The following UBE2D2 variants were observed in gnomAD, a reference collection of about 807,000 sequenced individuals.
The protein encoded by UBE2D2 is ubiquitin-conjugating enzyme E2 D2.
UBE2D2 carries 2 observed loss-of-function variants against 24.2 expected under a neutral mutation model. That is an observed-to-expected ratio of 0.08 (90% CI 0.03 to 0.26). The LOEUF is 0.26. Among genes scored for constraint, UBE2D2 ranks in the 10% least tolerant of loss-of-function variants. The pLI is 1.00. For synonymous variants in UBE2D2, 58 were observed against 56.5 expected (o/e 1.03, Z -0.12); for missense variants, 44 against 177.6 (o/e 0.25, Z 4.28).
intron 1 of UBE2D2, among the ~76,000 whole-genome samples, chr5:139,591,935 C>T (rs1255800176): frequency 6.6e-6 from 1 of 152,228 alleles, no homozygotes; most frequent in Non-Finnish European, 1.5e-5. Flanking sequence ...CGCGGTGGCT[C>T]ATGCCTGTAA....
chr5:139,589,768 A>C (rs1354698825), intron 1 of UBE2D2, among the ~76,000 whole-genome samples: 1 of 152,140 alleles, frequency 6.6e-6, no homozygotes, highest in Non-Finnish European at 1.5e-5. Context: ...AGGAAATTAT[A>C]ATTTAAAGTG....
intron 1 of UBE2D2, 48 bp downstream of exon 1, chr5:139,561,863 C>A: frequency 6.9e-7 from 1 of 1,444,236 alleles, no homozygotes; most frequent in Non-Finnish European, 9.0e-7. Context: ...GAGCAGGCTG[C>A]GGCCTGCACT....
chr5:139,536,073 A>T (rs2126629351), intron 1 of UBE2D2, among the ~76,000 whole-genome samples: 1 of 149,606 alleles, frequency 6.7e-6, no homozygotes, highest in South Asian at 2.1e-4. Flanking sequence ...TTGTATTTTT[A>T]TTTATGTATT....
chr5:139,569,603 A>G (rs1465136468), intron 1 of UBE2D2, among the ~76,000 whole-genome samples: 1 of 152,218 alleles, frequency 6.6e-6, no homozygotes, highest in African/African-American at 2.4e-5. Flanking sequence ...ATCATGTTAA[A>G]CTATAATATA....
At chr5:139,568,282 T>C (rs1188065447) in intron 1 of UBE2D2, among the ~76,000 whole-genome samples, 2 of 150,920 alleles carry the variant, frequency 1.3e-5, no homozygotes, top group African/African-American at 2.4e-5. Context: ...AGGCAGAGGT[T>C]GCAGTGAGCC....
At chr5:139,572,437 A>G (rs1753369124) in intron 1 of UBE2D2, among the ~76,000 whole-genome samples, 1 of 152,146 alleles carries the variant, frequency 6.6e-6, no homozygotes, top group Non-Finnish European at 1.5e-5. Context: ...TGTGTCTACA[A>G]AAAATTAAAT....
intron 1 of UBE2D2, chr5:139,555,062 T>C (rs1033192446): frequency 6.6e-6 from 1 of 152,434 alleles, no homozygotes; most frequent in Non-Finnish European, 1.5e-5. Context: ...TTTTTTTTTT[T>C]TGAGACAGGG....
rs1181976031 is a variant in UBE2D2, at chr5:139,561,951, A to G, written c.24+136A>G. The G allele has an allele frequency of 3.3e-6, 4 of 1,225,354 alleles. No individual in the cohort carries two copies. In the African/African-American group the frequency reaches 6.4e-5, roughly 19 times the overall value. The allele number at this position is 1,225,354 out of a possible 1,614,324, so 75.9% of individuals were successfully genotyped here. A position where few individuals can be genotyped will look rare whatever the true frequency, so the allele number is the denominator to read the frequency against. On this transcript the variant is annotated intron_variant, in intron 1 of 6. Transcript: ENST00000398733. ...GCTGGCCCCTCGGGGCGGCCTCCATACCCCACTCCCAGTGATGGCGCCCGT... is the reference window on the plus strand; with the variant it reads ...GCTGGCCCCTCGGGGCGGCCTCCATGCCCCACTCCCAGTGATGGCGCCCGT...
rs749709835 is a variant in UBE2D2 at position 139,626,710 on chromosome 5, C to G, written c.399-46C>G. Reference sequence around the variant, plus strand: ...GATAATGAATGGAATCTGTTGCTTACTGACTCCACACCTATGTTAAGCCAA... The same window carrying G: ...GATAATGAATGGAATCTGTTGCTTAGTGACTCCACACCTATGTTAAGCCAA... On this transcript the variant is annotated intron_variant, in intron 6 of 6. Transcript: ENST00000398733. The G allele has an allele frequency of 2.0e-6, 3 of 1,531,060 alleles. No individual in the cohort carries two copies. In the Admixed American group the frequency reaches 5.0e-5, roughly 26 times the overall value. The allele number at this position is 1,531,060 out of a possible 1,614,324, so 94.8% of individuals were successfully genotyped here.
At chr5:139,559,799 G>A (rs750175563), upstream of UBE2D2, among the ~76,000 whole-genome samples, 11 of 152,150 alleles carry the variant, frequency 7.2e-5, no homozygotes, top group African/African-American at 1.2e-4. Flanking sequence ...AACGCCAGGG[G>A]TAGATTTCAG....
chr5:139,610,552 T>C (rs1754295478), intron 2 of UBE2D2, among the ~76,000 whole-genome samples: 1 of 148,418 alleles, frequency 6.7e-6, no homozygotes. Flanking sequence ...AAAAAAAATA[T>C]ATTTTTTTTT....
chr5:139,622,772 C>T (rs899230210), intron 5 of UBE2D2, among the ~76,000 whole-genome samples: 2 of 151,506 alleles, frequency 1.3e-5, no homozygotes, highest in African/African-American at 4.8e-5. Flanking sequence ...TGCCTGTAGT[C>T]CCAGCTACTC....
chr5:139,589,551 A>C (rs1054586219), intron 1 of UBE2D2, among the ~76,000 whole-genome samples: 1 of 152,144 alleles, frequency 6.6e-6, no homozygotes, highest in Non-Finnish European at 1.5e-5. Context: ...TGTCTCAAAA[A>C]AATAGCCAAA....
chr5:139,561,462 G>T lies in UBE2D2; in HGVS notation c.-330G>T. Reference sequence around the variant, plus strand: ...GAGGCCGGCCGAGCCCGAGGCTTGGGCTTTTGCTTTCTGGCGGAGGGATCT... The same window carrying T: ...GAGGCCGGCCGAGCCCGAGGCTTGGTCTTTTGCTTTCTGGCGGAGGGATCT... On this transcript the variant is annotated 5_prime_UTR_variant, in exon 1 of 7. Coordinates refer to ENST00000398733, the MANE Select transcript of UBE2D2 (RefSeq NM_003339.3). The T allele has an allele frequency of 3.1e-6, 1 of 320,484 alleles. No homozygotes were observed. 19.9% of individuals were successfully genotyped at this position (320,484 alleles called of 1,614,324 possible). A position where few individuals can be genotyped will look rare whatever the true frequency, so the allele number is the denominator to read the frequency against.
chr5:139,564,110 A>C (rs1414042536), intron 1 of UBE2D2, among the ~76,000 whole-genome samples: 3 of 152,164 alleles, frequency 2.0e-5, no homozygotes, highest in African/African-American at 4.8e-5. Context: ...TTTCCTTAAA[A>C]TATGCCTTTG....
At chr5:139,622,486 A>C (rs1399485834) in intron 5 of UBE2D2, among the ~76,000 whole-genome samples, 1 of 146,914 alleles carries the variant, frequency 6.8e-6, no homozygotes, top group Non-Finnish European at 1.5e-5. Flanking sequence ...CTCGTGATCC[A>C]CCCCCCTCCG....
intron 5 of UBE2D2, among the ~76,000 whole-genome samples, chr5:139,622,017 C>T (rs1313176480): frequency 6.6e-6 from 1 of 152,110 alleles, no homozygotes; most frequent in Admixed American, 6.5e-5. Flanking sequence ...AGACAAAGTT[C>T]TAATTCTATT....
At chr5:139,526,620 T>G (rs1752543935) in intron 1 of UBE2D2, 1 of 152,282 alleles carries the variant, frequency 6.6e-6, no homozygotes, top group Non-Finnish European at 1.5e-5. Context: ...TTGGTAAGAC[T>G]AGTCTTTGGA....
At chr5:139,623,698 TTG>T in intron 6 of UBE2D2, 1 of 361,946 alleles carries the variant, frequency 2.8e-6, no homozygotes, top group East Asian at 4.3e-5. Flanking sequence ...TTTTTTTTGT[TTG>T]TTTTTTTTTG....
Sources: allele counts gnomAD v4.1 joint callset (sites outside exome capture counted in the v4.1 genomes callset), GRCh38; gene constraint gnomAD v4.1.1; transcripts MANE v1.5; gene names NCBI Gene and HGNC (gene_info 2026-07-23, HGNC 2026-07-21).